The following HECTD4 variants were observed in gnomAD, a reference collection of about 807,000 sequenced individuals.
HECTD4 encodes the protein probable E3 ubiquitin-protein ligase HECTD4.
A neutral mutation model predicts 471.5 loss-of-function variants in HECTD4; 114 were observed. That is an observed-to-expected ratio of 0.24 (90% CI 0.21 to 0.28). The LOEUF (loss-of-function observed/expected upper bound fraction) is 0.28. HECTD4 is among the 10% of genes least tolerant of loss of function. The probability of loss-of-function intolerance (pLI) is 1.00; values close to 1 mark genes in which losing one functional copy is unlikely to be tolerated. For synonymous variants in HECTD4, 2,012 were observed against 2,256.0 expected, an observed-to-expected ratio of 0.89 and a Z score of 3.07; for missense variants, 3,866 against 5,651.5, an observed-to-expected ratio of 0.68 and a Z score of 10.13.
At chr12:112,178,627 G>C (rs10850007) in intron 64 of HECTD4, among the ~76,000 whole-genome samples, 35,832 of 152,062 alleles carry the variant, frequency 0.24, 6,965 homozygotes, top group East Asian at 0.85. Context: ...CCTAGGAGTT[G>C]AAGACCAGCC....
intron 1 of HECTD4, among the ~76,000 whole-genome samples, chr12:112,340,818 C>A (rs776825383): frequency 6.6e-6 from 1 of 151,946 alleles, no homozygotes; most frequent in African/African-American, 2.4e-5. Flanking sequence ...ATTCATGTGC[C>A]GAATTTGACA....
intron 1 of HECTD4, among the ~76,000 whole-genome samples, chr12:112,370,734 A>T (rs75396775): frequency 6.6e-6 from 1 of 152,142 alleles, no homozygotes; most frequent in South Asian, 2.1e-4. Context: ...CTTCAGTTTT[A>T]CCTGTTATTT....
intron 7 of HECTD4, among the ~76,000 whole-genome samples, chr12:112,286,565 G>A (rs1410811976): frequency 6.6e-6 from 1 of 152,098 alleles, no homozygotes; most frequent in Non-Finnish European, 1.5e-5. Flanking sequence ...AGTGGCACAC[G>A]CCTGTAGTCC....
In HECTD4 at chr12:112,192,696, A is replaced by G; in HGVS notation, c.9156T>C (p.Asn3052=). The G allele has an allele frequency of 6.2e-7, 1 of 1,601,530 alleles. No individual in the cohort carries two copies. The highest frequency in any genetic ancestry group is 8.5e-7 in the Non-Finnish European group (1 of 1,174,528). Residue 3052 remains asparagine, a synonymous_variant, in exon 59 of 76, where the codon AAT becomes AAC. Transcript: ENST00000682272. ...VYGLGHKVKR[N]GQLNLIEAAC... is the part of the protein sequence containing the mutation. ...CGGCCTCGATGAGGTTCAGCTGGCC[A>G]TTTCGCTTCACTTTGTGGCCGAGGC...
At chr12:112,344,376 T>G (rs992672680) in intron 1 of HECTD4, among the ~76,000 whole-genome samples, 2 of 152,074 alleles carry the variant, frequency 1.3e-5, no homozygotes, top group Non-Finnish European at 2.9e-5. Flanking sequence ...CTGTAACAAT[T>G]CAGATGAGTG....
chr12:112,173,976 TTTTC>T lies in HECTD4; in HGVS notation c.11595-1119_11595-1116del, dbSNP rs2031337517. Among the ~76,000 whole-genome samples, 1 of 151,760 alleles carries T rather than the reference TTTTC, an allele frequency of 6.6e-6. No individual in the cohort carries two copies. Among genetic ancestry groups the T allele is most frequent in the Non-Finnish European group, 1.5e-5 (1 of 67,952 alleles). On this transcript the variant is annotated intron_variant, in intron 66 of 75. Coordinates refer to ENST00000682272, the MANE Select transcript of HECTD4 (RefSeq NM_001388303.1). This position sits in a 1 kb window ranked among gnomAD's most constrained non-coding sequence, Gnocchi z 4.3. ...ATGTTTTGGTAGCCATTTTCTTTCC[TTTTC>T]TTTTTTTTTTTTTTGAGTTGGAGTT... is the stretch of plus-strand genomic sequence containing the variant.
At chr12:112,343,904 G>A (rs996741278) in intron 1 of HECTD4, among the ~76,000 whole-genome samples, 2 of 152,098 alleles carry the variant, frequency 1.3e-5, no homozygotes, top group Non-Finnish European at 2.9e-5. Flanking sequence ...CAGATATTGA[G>A]TGAAAAAAAC....
Position 112,176,640 on chromosome 12 carries a change from G to T in HECTD4, c.11426C>A (p.Pro3809Gln). Residue 3809 changes from proline (P) to glutamine (Q), a missense_variant, in exon 65 of 76, where the codon CCA becomes CAA. Pro to Gln is a moderately conservative substitution (Grantham distance 76). This residue lies in a region of HECTD4 where 715 missense variants were observed against 1,087.6 expected (regional missense o/e 0.66). Transcript: ENST00000682272. ...TGACTTTTCTGGGTCCTTTTCATCT[G>T]GTTTGCTCTTTTCTGGTGATTTTGG... ...VKPKSPEKSK[P>Q]DEKDPEKSPT... The T allele has an allele frequency of 6.2e-7, 1 of 1,613,942 alleles. No homozygotes were observed. Among genetic ancestry groups the T allele is most frequent in the South Asian group, 1.1e-5 (1 of 91,076 alleles).
intron 44 of HECTD4, among the ~76,000 whole-genome samples, chr12:112,225,512 C>A (rs2033209673): frequency 1.3e-5 from 2 of 150,858 alleles, no homozygotes; most frequent in South Asian, 4.2e-4. Flanking sequence ...ACCAGGCCAA[C>A]TACCAATTTA....
At chr12:112,264,270 T>C in intron 16 of HECTD4, 58 bp from the exon 17 acceptor site, 1 of 1,352,746 alleles carries the variant, frequency 7.4e-7, no homozygotes, top group Non-Finnish European at 9.7e-7. Flanking sequence ...AGCGATCATG[T>C]AATCCTCATG....
At position 112,163,305 on chromosome 12, in the gene HECTD4, C is replaced by A; in HGVS notation, c.12898-41G>T. 6.4e-7 allele frequency: 1 copy of A among 1,556,632 alleles called. No individual in the cohort carries two copies. The highest frequency in any genetic ancestry group is 1.8e-4 in the Middle Eastern group (1 of 5,688). Reference sequence around the variant, plus strand: ...CCAGGTGTCAGGAGCCCTGGAGCCCCACCTACCCAGTGCCTCCCCAGCCCT... The same window carrying A: ...CCAGGTGTCAGGAGCCCTGGAGCCCAACCTACCCAGTGCCTCCCCAGCCCT... On this transcript the variant is annotated intron_variant, in intron 74 of 75. Transcript: ENST00000682272. This position sits in a 1 kb window ranked among gnomAD's most constrained non-coding sequence, Gnocchi z 8.2.
chr12:112,225,179 G>A (rs932452620), intron 44 of HECTD4, among the ~76,000 whole-genome samples: 15 of 151,916 alleles, frequency 9.9e-5, no homozygotes, highest in Middle Eastern at 3.4e-3. Context: ...GAAGTAAAAC[G>A]GATACAGACA....
At chr12:112,234,031 G>T (rs1593959411) in intron 37 of HECTD4, among the ~76,000 whole-genome samples, 4 of 151,994 alleles carry the variant, frequency 2.6e-5, no homozygotes, top group East Asian at 1.9e-4. Context: ...GTGAGCCTGG[G>T]TATATTTTTA....
Position 112,340,042 on chromosome 12 carries a change from C to CA in HECTD4, c.178-20301dup, listed in dbSNP as rs1330584489. Among the ~76,000 whole-genome samples, 637 of 112,412 alleles carry CA rather than the reference C, an allele frequency of 5.7e-3. 12 individuals carry two copies. The East Asian group carries it at 0.086, about 15-fold the overall frequency. 73.7% of individuals were successfully genotyped at this position (112,412 alleles called of 152,430 possible). The stretch of plus-strand genomic sequence containing the variant: ...CCAGCCTGGGTGACAGAGTGAGACT[C>CA]AAAAAAAAAAAAAGAAAAGAAAACT... On this transcript the variant is annotated intron_variant, in intron 1 of 75. Transcript: ENST00000682272.
At position 112,208,649 on chromosome 12, in the gene HECTD4, A is replaced by G; in HGVS notation, c.7868-19T>C. The G allele has an allele frequency of 6.5e-7, 1 of 1,530,758 alleles. No individual in the cohort carries two copies. Among genetic ancestry groups the G allele is most frequent in the African/African-American group, 1.4e-5 (1 of 72,050 alleles). 94.8% of individuals were successfully genotyped at this position (1,530,758 alleles called of 1,614,324 possible). On this transcript the variant is annotated intron_variant, in intron 50 of 75. Coordinates refer to ENST00000682272, the MANE Select transcript of HECTD4 (RefSeq NM_001388303.1). ...TCATATTCTGTAACAGAGCACAAGG[A>G]CAGCGAATTCTAAACAAGAGCAGGC...
At position 112,210,188 on chromosome 12, in the gene HECTD4, C is replaced by T. The variant is rs761019491; in HGVS notation, c.7694G>A (p.Arg2565His). ...PFAYAEGQAH[R>H]NAADLCTDLA... ...GTCAGTGCACAGGTCAGCAGCATTG[C>T]GGTGGGCCTGCCCTTCCGCGTAGGC... is the stretch of plus-strand genomic sequence containing the variant. Residue 2565 changes from arginine to histidine, a missense_variant, in exon 50 of 76, where the codon CGC becomes CAC. Around this residue, in one of 16 missense-constraint regions of HECTD4, gnomAD observed 617 missense variants for 915.1 expected, o/e 0.67. Transcript: ENST00000682272. The T allele has an allele frequency of 1.3e-5, 21 of 1,612,704 alleles. No individual in the cohort carries two copies. Among genetic ancestry groups the T allele is most frequent in the South Asian group, 5.5e-5 (5 of 91,070 alleles).
intron 59 of HECTD4, 44 bp from the exon 60 acceptor site, chr12:112,191,009 T>C (rs1212902103): frequency 1.3e-6 from 2 of 1,493,452 alleles, no homozygotes; most frequent in South Asian, 2.6e-5. Flanking sequence ...TGGCAGCACC[T>C]GACCCAAATA....
At chr12:112,255,509 C>A (rs1014408531) in intron 21 of HECTD4, among the ~76,000 whole-genome samples, 5 of 152,092 alleles carry the variant, frequency 3.3e-5, no homozygotes, top group African/African-American at 1.2e-4. Flanking sequence ...TTATTTTTAA[C>A]CTAAAAACCT....
rs1004719709 is a variant in HECTD4 at position 112,239,885 on chromosome 12, T to C, written c.5101A>G (p.Thr1701Ala). 10 of 1,611,920 alleles carry C rather than the reference T, an allele frequency of 6.2e-6. No individual in the cohort carries two copies. The highest frequency in any genetic ancestry group is 8.5e-6 in the Non-Finnish European group (10 of 1,178,510). Residue 1701 changes from threonine (T) to alanine (A), a missense_variant, in exon 33 of 76, where the codon ACC becomes GCC. This residue lies in a region of HECTD4 where 229 missense variants were observed against 386.4 expected (regional missense o/e 0.59). Transcript: ENST00000682272. This position sits in a 1 kb window ranked among gnomAD's most constrained non-coding sequence, Gnocchi z 4.9. ...SIGLLCTIPY[T>A]RSEEKCLVRS... is the part of the protein sequence containing the mutation. ...AAAAGGCCTTTCCGTACTTACCTGG[T>C]GTAAGGTATGGTACATAAGAGTCCA...
Sources: gnomAD v4.1 joint callset for allele counts (sites outside exome capture counted in the v4.1 genomes callset) on GRCh38, gnomAD v4.1.1 for gene constraint, gnomAD v4.1.1 regional missense constraint, Gnocchi (gnomAD v3.1) non-coding constraint, MANE v1.5 for transcripts, NCBI Gene and HGNC (gene_info 2026-07-23, HGNC 2026-07-21) for gene names.